The following ZNF318 variants were observed in gnomAD, a reference collection of about 807,000 sequenced individuals.
ZNF318 encodes the protein endocrine regulator.
ZNF318 carries 51 observed loss-of-function variants against 124.2 expected under a neutral mutation model. The ratio of observed to expected loss-of-function variants is 0.41; its 90% CI spans 0.33 to 0.52. The LOEUF (loss-of-function observed/expected upper bound fraction) is 0.52, where lower values mean the gene tolerates loss of function less well. Ranked by LOEUF, ZNF318 falls within the 20% of genes least tolerant of loss-of-function variation. ZNF318 has a pLI of 0.23. For missense variants in ZNF318, 2,815 were observed against 2,811.2 expected (o/e 1.00, Z -0.03); for synonymous variants, 1,090 against 1,040.7 (o/e 1.05, Z -0.91).
chr6:43,366,704 G>C (rs1357721298), intron 1 of ZNF318, among the ~76,000 whole-genome samples: 1 of 152,254 alleles, frequency 6.6e-6, no homozygotes, highest in South Asian at 2.1e-4. Flanking sequence ...TACTCAGGAT[G>C]CTGAGGTGAG....
intron 6 of ZNF318, among the ~76,000 whole-genome samples, chr6:43,347,146 G>C (rs2150751518): frequency 6.6e-6 from 1 of 152,324 alleles, no homozygotes; most frequent in South Asian, 2.1e-4. Context: ...TAAGGAAAGA[G>C]TTCGATTTGC....
chr6:43,365,257 C>G lies in ZNF318; in HGVS notation c.548+35G>C. The stretch of plus-strand genomic sequence containing the variant: ...ACAGCAACATTTCTGCCTTCAAGTA[C>G]TAGTATAGTAGGCCCTGCCTTAGGT... On this transcript the variant is annotated intron_variant, in intron 2 of 9. Transcript: ENST00000361428. 3 of 1,596,276 alleles carry G rather than the reference C, an allele frequency of 1.9e-6. No individual in the cohort carries two copies. In the Admixed American group the frequency reaches 5.2e-5, roughly 28 times the overall value.
In ZNF318 at chr6:43,369,404, G is replaced by T; in HGVS notation, c.-39C>A. 8.5e-7 allele frequency: 1 copy of T among 1,182,958 alleles called. No individual in the cohort carries two copies. Among genetic ancestry groups the T allele is most frequent in the Non-Finnish European group, 1.0e-6 (1 of 956,140 alleles). The allele number at this position is 1,182,958 out of a possible 1,614,324, so 73.3% of individuals were successfully genotyped here. A position where few individuals can be genotyped will look rare whatever the true frequency, so the allele number is the denominator to read the frequency against. On this transcript the variant is annotated 5_prime_UTR_variant, in exon 1 of 10. Transcript: ENST00000361428. Reference sequence around the variant, plus strand: ...GCGGCCACGGCGACAGCTCTGACCCGGGGGCGCCCTAGACGCAGGCTCGGA... The same window carrying T: ...GCGGCCACGGCGACAGCTCTGACCCTGGGGCGCCCTAGACGCAGGCTCGGA...
rs1444096117 is a variant in ZNF318 at position 43,337,559 on chromosome 6, T to G, written c.6439A>C (p.Lys2147Gln). 1 of 1,614,082 alleles carries G rather than the reference T, an allele frequency of 6.2e-7. No homozygotes were observed. The highest frequency in any genetic ancestry group is 8.5e-7 in the Non-Finnish European group (1 of 1,179,982). The change falls in exon 10 of 10, where the codon AAA becomes CAA. Residue 2147 changes from lysine to glutamine, a missense_variant. Transcript: ENST00000361428. ...AATTCCAATCCGAGTGACTCTTGTT[T>G]GTCTAATTGGGAAGATTCTTTTACT... is the stretch of plus-strand genomic sequence containing the variant. ...EEVKESSQLD[K>Q]QESLGLELKT...
chr6:43,363,768 T>C, intron 2 of ZNF318: 1 of 661,744 alleles, frequency 1.5e-6, no homozygotes, highest in Non-Finnish European at 2.7e-6. Context: ...AGACCCACAC[T>C]GGCCAGTTGA....
At chr6:43,358,414 A>ATTTTTTTTTTTTTTTTTTT (rs71547834) in intron 2 of ZNF318, among the ~76,000 whole-genome samples, 1 of 124,782 alleles carries the variant, frequency 8.0e-6, no homozygotes, top group Non-Finnish European at 1.6e-5. Context: ...CACCCGGCTA[A>ATTTTTTTTTTTTTTTTTTT]TTTTTTTTTT....
At chr6:43,352,875 A>G (rs931763690) in intron 4 of ZNF318, among the ~76,000 whole-genome samples, 1 of 152,258 alleles carries the variant, frequency 6.6e-6, no homozygotes, top group Non-Finnish European at 1.5e-5. Flanking sequence ...TGCCCAGAGT[A>G]GCATGTTGTT....
chr6:43,347,855 C>T (rs1251763454), intron 6 of ZNF318, among the ~76,000 whole-genome samples: 2 of 152,042 alleles, frequency 1.3e-5, no homozygotes, highest in Admixed American at 6.6e-5. Flanking sequence ...GCAGGAGCAT[C>T]CAATGTACTA....
chr6:43,341,280 A>G (rs2150749357), intron 8 of ZNF318, among the ~76,000 whole-genome samples: 1 of 152,316 alleles, frequency 6.6e-6, no homozygotes, highest in East Asian at 1.9e-4. Context: ...TCATGTTGGT[A>G]TTAATTACTG....
In ZNF318 at chr6:43,355,038, C is replaced by T; in HGVS notation, c.2296G>A (p.Ala766Thr). 6.2e-7 allele frequency: 1 copy of T among 1,613,796 alleles called. No individual in the cohort carries two copies. Among genetic ancestry groups the T allele is most frequent in the East Asian group, 2.2e-5 (1 of 44,880 alleles). The change falls in exon 4 of 10, where the codon GCC becomes ACC. Residue 766 changes from alanine to threonine, a missense_variant. Transcript: ENST00000361428. ...AALSQFHMPR[A>T]SQFAAARIPP... The stretch of plus-strand genomic sequence containing the variant: ...ATCCGAGCTGCAGCAAACTGAGAGG[C>T]CCTTGGCATGTGAAACTGAGATAAA...
At position 43,369,386 on chromosome 6, in the gene ZNF318, C is replaced by T; in HGVS notation, c.-21G>A. On this transcript the variant is annotated 5_prime_UTR_variant, in exon 1 of 10. The change creates a new upstream start codon in the 5' untranslated region. Transcript: ENST00000361428. ...TACATGGTTCTTGCAGCGGCGGCCACGGCGACAGCTCTGACCCGGGGGCGC... is the reference window on the plus strand; with the variant it reads ...TACATGGTTCTTGCAGCGGCGGCCATGGCGACAGCTCTGACCCGGGGGCGC... 3 of 1,233,698 alleles carry T rather than the reference C, an allele frequency of 2.4e-6. No homozygotes were observed. Among genetic ancestry groups the T allele is most frequent in the Non-Finnish European group, 3.1e-6 (3 of 983,102 alleles). 76.4% of individuals were successfully genotyped at this position (1,233,698 alleles called of 1,614,324 possible). A position where few individuals can be genotyped will look rare whatever the true frequency, so the allele number is the denominator to read the frequency against.
At chr6:43,360,942 G>C (rs1468508082) in intron 2 of ZNF318, among the ~76,000 whole-genome samples, 1 of 152,150 alleles carries the variant, frequency 6.6e-6, no homozygotes, top group Non-Finnish European at 1.5e-5. Context: ...AGGGTGGAGG[G>C]AGTAATGGCT....
intron 2 of ZNF318, among the ~76,000 whole-genome samples, chr6:43,361,322 G>C (rs192141110): frequency 2.6e-5 from 4 of 152,300 alleles, no homozygotes; most frequent in Admixed American, 2.6e-4. Flanking sequence ...CTTAGCACTT[G>C]GAGAGGCCAG....
At chr6:43,342,235 T>G in intron 7 of ZNF318, 24 bp from the exon 8 acceptor site, 1 of 1,566,406 alleles carries the variant, frequency 6.4e-7, no homozygotes, top group Non-Finnish European at 8.7e-7. Context: ...GCAGAGGTGC[T>G]CACACAACAG....
chr6:43,338,745 G>A lies in ZNF318; in HGVS notation c.5253C>T (p.Leu1751=). ...CCTTATCCTGGTTAACAGATTCTCT[G>A]AGGTGGATTTCTACCAACTTCTGAG... ...KESQKLVEIH[L]RESVNQDKES... Residue 1751 remains leucine (L), a synonymous_variant, in exon 10 of 10, where the codon CTC becomes CTT. Transcript: ENST00000361428. 1 of 1,614,128 alleles carries A rather than the reference G, an allele frequency of 6.2e-7. No individual in the cohort carries two copies.
rs1779278270 is a variant in ZNF318, at chr6:43,336,277, G to C, written c.*881C>G. The C allele has an allele frequency of 1.3e-5, 2 of 152,576 alleles. No homozygotes were observed. The highest frequency in any genetic ancestry group is 1.3e-4 in the Admixed American group (2 of 15,268). The allele number at this position is 152,576 out of a possible 1,614,324, so 9.5% of individuals were successfully genotyped here. On this transcript the variant is annotated 3_prime_UTR_variant, in exon 10 of 10. Transcript: ENST00000361428. Reference sequence around the variant, plus strand: ...GGGAATGAGTTCAATCTCAAGACAAGTTTCAGAGATCTTCTACCCCTTCAC... The same window carrying C: ...GGGAATGAGTTCAATCTCAAGACAACTTTCAGAGATCTTCTACCCCTTCAC...
chr6:43,357,290 C>T lies in ZNF318; in HGVS notation c.1024G>A (p.Val342Ile), dbSNP rs774843439. The T allele has an allele frequency of 3.7e-6, 6 of 1,614,086 alleles. No individual in the cohort carries two copies. The South Asian group carries it at 6.6e-5, about 18-fold the overall frequency. ...SRSLSQELVG[V>I]DGGGTGCSIP... is the part of the protein sequence containing the mutation. ...GAACAGCCAGTACCACCACCATCAA[C>T]TCCAACCAGCTCCTGACTCAAGCTC... is the stretch of plus-strand genomic sequence containing the variant. The change falls in exon 3 of 10, where the codon GTT (valine) becomes ATT (isoleucine). Residue 342 changes from valine (V) to isoleucine (I), a missense_variant. By Grantham distance (29) the Val-to-Ile change is conservative (BLOSUM62 3). Around this residue, in one of 4 missense-constraint regions of ZNF318, gnomAD observed 1,377 missense variants for 1,353.5 expected, o/e 1.02. Coordinates refer to ENST00000361428, the MANE Select transcript of ZNF318 (RefSeq NM_014345.3).
At position 43,338,513 on chromosome 6, in the gene ZNF318, G is replaced by T. The variant is rs750749158; in HGVS notation, c.5485C>A (p.Leu1829Ile). 1 of 1,614,152 alleles carries T rather than the reference G, an allele frequency of 6.2e-7. No homozygotes were observed. The highest frequency in any genetic ancestry group is 8.5e-7 in the Non-Finnish European group (1 of 1,180,034). ...WEGEVKQPNL[L>I]MIDKEAEQSN... ...TGTTCAGCCTCTTTGTCAATCATTA[G>T]CAAGTTGGGCTGTTTTACTTCTCCC... Residue 1829 changes from leucine to isoleucine, a missense_variant, in exon 10 of 10, where the codon CTA becomes ATA. By Grantham distance (5) the Leu-to-Ile change is conservative (BLOSUM62 2). Around this residue, in one of 4 missense-constraint regions of ZNF318, gnomAD observed 927 missense variants for 820.6 expected, o/e 1.13. Coordinates refer to ENST00000361428, the MANE Select transcript of ZNF318 (RefSeq NM_014345.3).
Position 43,355,655 on chromosome 6 carries a change from C to T in ZNF318, c.1679G>A (p.Ser560Asn). 6 of 1,614,216 alleles carry T rather than the reference C, an allele frequency of 3.7e-6. No homozygotes were observed. The highest frequency in any genetic ancestry group is 4.2e-6 in the Non-Finnish European group (5 of 1,180,038). ...SVPKPLGSSESEVMRQKASSL... is the reference protein window; with the variant it reads ...SVPKPLGSSENEVMRQKASSL... Reference sequence around the variant, plus strand: ...GCTTGCCTTCTGCCTCATAACTTCACTCTCAGAGCTCCCAAGGGGCTTTGG... The same window carrying T: ...GCTTGCCTTCTGCCTCATAACTTCATTCTCAGAGCTCCCAAGGGGCTTTGG... Residue 560 changes from serine to asparagine, a missense_variant, in exon 4 of 10, where the codon AGT becomes AAT. Transcript: ENST00000361428.
Sources: allele counts gnomAD v4.1 joint callset (sites outside exome capture counted in the v4.1 genomes callset), GRCh38; gene constraint gnomAD v4.1.1; regional missense constraint gnomAD v4.1.1; transcripts MANE v1.5; gene names NCBI Gene and HGNC (gene_info 2026-07-23, HGNC 2026-07-21).